Variants in PLD1 observed in about 807,000 individuals in gnomAD.
The protein encoded by PLD1 is choline phosphatase 1.
PLD1 carries 112 observed loss-of-function variants against 137.1 expected under a neutral mutation model. The ratio of observed to expected loss-of-function variants is 0.82; its 90% CI spans 0.70 to 0.96. The LOEUF (loss-of-function observed/expected upper bound fraction) is 0.96, where lower values mean the gene tolerates loss of function less well. Among genes scored for constraint, PLD1 ranks in the 40% least tolerant of loss-of-function variants. PLD1 has a pLI of 0.00. For missense variants in PLD1, 1,321 were observed against 1,342.0 expected (o/e 0.98, Z 0.24); for synonymous variants, 431 against 454.7 (o/e 0.95, Z 0.66).
chr3:171,793,616 A>G (rs2108352785), intron 1 of PLD1: 1 of 152,346 alleles, frequency 6.6e-6, no homozygotes, highest in South Asian at 2.1e-4. Context: ...TTACTTGAAC[A>G]TAAGCCCTAT....
At chr3:171,746,494 C>T (rs1448421834) in intron 1 of PLD1, among the ~76,000 whole-genome samples, 1 of 151,030 alleles carries the variant, frequency 6.6e-6, no homozygotes, top group Admixed American at 6.6e-5. Flanking sequence ...CTTTTATGTC[C>T]AGCTGGAGGA....
At chr3:171,639,958 A>C (rs965528854) in intron 23 of PLD1, among the ~76,000 whole-genome samples, 5 of 150,308 alleles carry the variant, frequency 3.3e-5, no homozygotes, top group Non-Finnish European at 7.4e-5. Flanking sequence ...GTTGGCATAC[A>C]ACTGTTCATA....
At chr3:171,708,223 A>G (rs940989494) in intron 11 of PLD1, among the ~76,000 whole-genome samples, 11 of 152,190 alleles carry the variant, frequency 7.2e-5, no homozygotes, top group Admixed American at 2.6e-4. Context: ...GCTTCTGGTG[A>G]CTTTAATAAG....
chr3:171,690,386 T>C (rs972002809), intron 13 of PLD1, among the ~76,000 whole-genome samples: 1 of 152,178 alleles, frequency 6.6e-6, no homozygotes, highest in Admixed American at 6.5e-5. Flanking sequence ...TTTCCTTCCT[T>C]CTGGTAGTTT....
chr3:171,651,169 G>A (rs749278467), intron 21 of PLD1, among the ~76,000 whole-genome samples: 2 of 152,144 alleles, frequency 1.3e-5, no homozygotes, highest in Non-Finnish European at 2.9e-5. Flanking sequence ...GATATGCTTC[G>A]CTAGTGACAA....
At chr3:171,712,514 A>T (rs556029114) in intron 9 of PLD1, among the ~76,000 whole-genome samples, 5 of 152,328 alleles carry the variant, frequency 3.3e-5, no homozygotes, top group African/African-American at 1.2e-4. Context: ...AAGCAAAGGG[A>T]AAGAGGCAAG....
chr3:171,641,559 C>T (rs955348784), intron 23 of PLD1, among the ~76,000 whole-genome samples: 1 of 152,178 alleles, frequency 6.6e-6, no homozygotes, highest in Non-Finnish European at 1.5e-5. Flanking sequence ...GGTTTATATT[C>T]TATCTGAAGG....
At chr3:171,755,378 T>G (rs1038174285) in intron 1 of PLD1, among the ~76,000 whole-genome samples, 1 of 152,258 alleles carries the variant, frequency 6.6e-6, no homozygotes, top group African/African-American at 2.4e-5. Flanking sequence ...CGAAGGACAC[T>G]TCCCCATTCT....
rs916822939 is a variant in PLD1 at position 171,738,303 on chromosome 3, G to GA, written c.-31-222dup. 2.2e-4 allele frequency among the ~76,000 whole-genome samples: 28 copies of GA among 125,748 alleles called. No homozygotes were observed. In the South Asian group the frequency reaches 3.1e-3, roughly 14 times the overall value. 82.5% of individuals were successfully genotyped at this position (125,748 alleles called of 152,430 possible). On this transcript the variant is annotated intron_variant, in intron 1 of 26. Transcript: ENST00000351298. The stretch of plus-strand genomic sequence containing the variant: ...ACAGAGTGCTTAATTGAAAACAAGA[G>GA]AAAAAAAAAAGAAAAAAAAAAGCAA...
intron 11 of PLD1, among the ~76,000 whole-genome samples, chr3:171,704,222 C>G (rs1464521544): frequency 6.6e-6 from 1 of 152,078 alleles, no homozygotes; most frequent in Non-Finnish European, 1.5e-5. Context: ...CTAGGTGGCA[C>G]ACATATGGGG....
intron 21 of PLD1, chr3:171,654,420 TC>T (rs1737030660): frequency 5.2e-6 from 1 of 191,876 alleles, no homozygotes; most frequent in African/African-American, 2.4e-5. Flanking sequence ...AAGCATTAAG[TC>T]AACTGACTAT....
chr3:171,667,801 G>T (rs1238156511), intron 19 of PLD1, among the ~76,000 whole-genome samples: 1 of 152,212 alleles, frequency 6.6e-6, no homozygotes, highest in Non-Finnish European at 1.5e-5. Flanking sequence ...GCCCAGGATG[G>T]AGTACAATGG....
intron 19 of PLD1, 81 bp downstream of exon 19, chr3:171,674,419 C>T (rs1346015451): frequency 6.6e-6 from 4 of 603,754 alleles, no homozygotes; most frequent in Non-Finnish European, 1.2e-5. Flanking sequence ...AATCTGAAGC[C>T]AATGTAATAG....
chr3:171,764,957 A>AG lies in PLD1; in HGVS notation c.-31-26876dup, dbSNP rs1272922894. On this transcript the variant is annotated intron_variant, in intron 1 of 26. Coordinates refer to ENST00000351298, the MANE Select transcript of PLD1 (RefSeq NM_002662.5). ...AGGAAAGAAAGAAAGAAAGAAAGAAAGAAAGAAAGAAAGAAAGAAAGAAAG... is the reference window on the plus strand; with the variant it reads ...AGGAAAGAAAGAAAGAAAGAAAGAAAGGAAAGAAAGAAAGAAAGAAAGAAAG... Among the ~76,000 whole-genome samples the AG allele has an allele frequency of 1.7e-4, 11 of 66,108 alleles. 3 individuals carry two copies. In the South Asian group the frequency reaches 2.1e-3, roughly 13 times the overall value. 43.4% of individuals were successfully genotyped at this position (66,108 alleles called of 152,430 possible). A position where few individuals can be genotyped will look rare whatever the true frequency, so the allele number is the denominator to read the frequency against.
At chr3:171,604,484 C>T (rs548090905) in intron 26 of PLD1, among the ~76,000 whole-genome samples, 1 of 151,744 alleles carries the variant, frequency 6.6e-6, no homozygotes, top group Non-Finnish European at 1.5e-5. Flanking sequence ...CCCTGGAAGT[C>T]ATGAAGAAGA....
chr3:171,666,427 C>CCTA (rs990183623), intron 19 of PLD1: 3 of 152,228 alleles, frequency 2.0e-5, no homozygotes, highest in African/African-American at 7.2e-5. Context: ...ACGGGAAAGA[C>CCTA]CTACTCTCAT....
At chr3:171,724,965 C>T (rs1374261952) in intron 7 of PLD1, among the ~76,000 whole-genome samples, 177 bp from the exon 8 acceptor site, 3 of 152,002 alleles carry the variant, frequency 2.0e-5, no homozygotes, top group East Asian at 3.9e-4. Context: ...ACCCTAGAGG[C>T]GAACCCTAAA....
At chr3:171,629,237 A>T (rs1734435917) in intron 23 of PLD1, among the ~76,000 whole-genome samples, 1 of 152,180 alleles carries the variant, frequency 6.6e-6, no homozygotes, top group South Asian at 2.1e-4. Context: ...CAGAAACCCA[A>T]ATCATGAGTG....
At chr3:171,755,092 C>G (rs924640436) in intron 1 of PLD1, among the ~76,000 whole-genome samples, 4 of 152,074 alleles carry the variant, frequency 2.6e-5, no homozygotes, top group Non-Finnish European at 4.4e-5. Flanking sequence ...AAATTCAATC[C>G]TGGGCCACAC....
Sources: allele counts gnomAD v4.1 joint callset (sites outside exome capture counted in the v4.1 genomes callset), GRCh38; gene constraint gnomAD v4.1.1; transcripts MANE v1.5; gene names NCBI Gene and HGNC (gene_info 2026-07-23, HGNC 2026-07-21).